Variants in CPNE4 observed in about 807,000 individuals in gnomAD.
CPNE4 encodes the protein copine 4.
A neutral mutation model predicts 67.9 loss-of-function variants in CPNE4; 25 were observed. The ratio of observed to expected loss-of-function variants is 0.37; its 90% confidence interval spans 0.27 to 0.51. The LOEUF (loss-of-function observed/expected upper bound fraction) is 0.51, where lower values mean the gene tolerates loss of function less well. CPNE4 is among the 20% of genes least tolerant of loss of function. The pLI, the probability that CPNE4 is intolerant of heterozygous loss-of-function variation, is 0.93. For synonymous variants in CPNE4, 242 were observed against 244.9 expected (o/e 0.99, Z 0.11); for missense variants, 464 against 690.8 (o/e 0.67, Z 3.68).
intron 11 of CPNE4, among the ~76,000 whole-genome samples, chr3:131,558,369 C>T (rs911681358): frequency 2.6e-5 from 4 of 151,878 alleles, no homozygotes; most frequent in East Asian, 1.9e-4. Flanking sequence ...TGTATACTAA[C>T]GCTTTAAGAA....
chr3:131,634,625 C>A (rs1216140070), intron 7 of CPNE4, among the ~76,000 whole-genome samples: 2 of 152,128 alleles, frequency 1.3e-5, no homozygotes, highest in African/African-American at 4.8e-5. Context: ...CCACCTTGAA[C>A]CTAACCAGAC....
chr3:131,583,379 T>C (rs1031741550), intron 8 of CPNE4, among the ~76,000 whole-genome samples: 2 of 152,190 alleles, frequency 1.3e-5, no homozygotes, highest in Non-Finnish European at 2.9e-5. Flanking sequence ...ACTGATATTG[T>C]CTTTTGCCCC....
At chr3:131,974,445 CTT>C (rs2072590798) in intron 1 of CPNE4, among the ~76,000 whole-genome samples, 1 of 152,228 alleles carries the variant, frequency 6.6e-6, no homozygotes, top group Non-Finnish European at 1.5e-5. Flanking sequence ...CCCAACTCTC[CTT>C]GTCATAGCAC....
At chr3:131,743,842 A>G (rs2082411350) in intron 2 of CPNE4, among the ~76,000 whole-genome samples, 1 of 150,830 alleles carries the variant, frequency 6.6e-6, no homozygotes, top group Non-Finnish European at 1.5e-5. Flanking sequence ...GGGCGCCTGT[A>G]GTCCCAGCTA....
rs764187477 is a variant in CPNE4 at position 131,696,558 on chromosome 3, C to T, written c.491G>A (p.Arg164Gln). ...ACGCTTTACCTTGTCATCCAATTTC[C>T]GTGCATTGAATGCAAGCTCAACATA... ...DDYVELAFNA[R>Q]KLDDKDFFSK... is the part of the protein sequence containing the mutation. The change falls in exon 5 of 16, where the codon CGG becomes CAG. Residue 164 changes from arginine (R) to glutamine (Q), a missense_variant. Around this residue, in one of 6 missense-constraint regions of CPNE4, gnomAD observed 170 missense variants for 203.3 expected, o/e 0.84. Coordinates refer to ENST00000429747, the MANE Select transcript of CPNE4 (RefSeq NM_130808.3). 1.1e-5 allele frequency: 17 copies of T among 1,613,820 alleles called. No individual in the cohort carries two copies. The South Asian group carries it at 1.3e-4, about 13-fold the overall frequency.
chr3:131,985,141 C>A (rs1030803552), intron 1 of CPNE4, among the ~76,000 whole-genome samples: 1 of 152,176 alleles, frequency 6.6e-6, no homozygotes, highest in Non-Finnish European at 1.5e-5. Flanking sequence ...CCTCACATGA[C>A]AGAAAGAGTT....
intron 2 of CPNE4, among the ~76,000 whole-genome samples, chr3:131,833,596 G>A (rs1307744191): frequency 6.6e-6 from 1 of 152,162 alleles, no homozygotes. Context: ...CTGGTCAGGG[G>A]GCTGAGGCAG....
At chr3:131,628,277 G>A (rs1274158322) in intron 7 of CPNE4, among the ~76,000 whole-genome samples, 1 of 152,172 alleles carries the variant, frequency 6.6e-6, no homozygotes, top group Non-Finnish European at 1.5e-5. Flanking sequence ...AAGAAAAAGA[G>A]GTTCAGTTGG....
chr3:131,710,130 T>C (rs2081522690), intron 3 of CPNE4, among the ~76,000 whole-genome samples: 1 of 152,260 alleles, frequency 6.6e-6, no homozygotes, highest in Non-Finnish European at 1.5e-5. Context: ...ATATATTTAT[T>C]TGAATAAGTG....
At chr3:131,539,456 G>A (rs766480497) in intron 15 of CPNE4, among the ~76,000 whole-genome samples, 2 of 152,170 alleles carry the variant, frequency 1.3e-5, no homozygotes, top group Non-Finnish European at 2.9e-5. Context: ...ACCACCCACA[G>A]GTTGCTTAGC....
chr3:131,564,938 A>G (rs572373106), intron 10 of CPNE4, among the ~76,000 whole-genome samples: 10 of 152,140 alleles, frequency 6.6e-5, no homozygotes, highest in African/African-American at 1.9e-4. Context: ...CCTGCCTACA[A>G]CAAAGGGGAT....
Position 131,939,698 on chromosome 3 carries a change from C to A in CPNE4, c.-1-34254G>T, listed in dbSNP as rs1199582831. On this transcript the variant is annotated intron_variant, in intron 1 of 15. Coordinates refer to ENST00000429747, the MANE Select transcript of CPNE4 (RefSeq NM_130808.3). ...AACTGGCAGCCAGTGACAGCACTTA[C>A]AAAGCACTTACTCGGTGTCAGGCAC... Among the ~76,000 whole-genome samples, 6 of 152,236 alleles carry A rather than the reference C, an allele frequency of 3.9e-5. No homozygotes were observed. In the East Asian group the frequency reaches 5.8e-4, roughly 15 times the overall value.
intron 2 of CPNE4, among the ~76,000 whole-genome samples, chr3:131,884,694 G>C (rs2087810462): frequency 6.6e-6 from 1 of 152,122 alleles, no homozygotes; most frequent in South Asian, 2.1e-4. Flanking sequence ...ATGAATCATG[G>C]GGGCAGTTTC....
chr3:131,552,638 C>T, intron 12 of CPNE4, 147 bp from the exon 13 acceptor site: 1 of 608,046 alleles, frequency 1.6e-6, no homozygotes, highest in Non-Finnish European at 2.9e-6. Flanking sequence ...CAAGCCTTTA[C>T]ACAATCAATA....
intron 7 of CPNE4, among the ~76,000 whole-genome samples, chr3:131,652,756 C>T (rs994703408): frequency 1.3e-5 from 2 of 152,204 alleles, no homozygotes; most frequent in African/African-American, 4.8e-5. Flanking sequence ...TATGTCCCTG[C>T]TGAGTTCTCT....
At chr3:131,792,702 CACACACGTGTATATATGTAT>C (rs2083790910) in intron 2 of CPNE4, among the ~76,000 whole-genome samples, 3 of 34,608 alleles carry the variant, frequency 8.7e-5, no homozygotes, top group South Asian at 1.2e-3. Flanking sequence ...TATACATATA[CACACACGTGTATATATGTAT>C]ATATATACAC....
chr3:131,690,839 TAAAC>T (rs1253415566), intron 5 of CPNE4, among the ~76,000 whole-genome samples: 5 of 151,770 alleles, frequency 3.3e-5, no homozygotes, highest in African/African-American at 4.8e-5. Context: ...ATAAGGAACT[TAAAC>T]AATTCAATAA....
intron 7 of CPNE4, among the ~76,000 whole-genome samples, chr3:131,610,036 TTTTG>T (rs1441563900): frequency 6.6e-6 from 1 of 152,172 alleles, no homozygotes; most frequent in African/African-American, 2.4e-5. Context: ...CAAGATTCGT[TTTTG>T]TTTGAGTGTG....
At chr3:131,653,143 CTTT>C (rs1206489252) in intron 7 of CPNE4, among the ~76,000 whole-genome samples, 1 of 98,610 alleles carries the variant, frequency 1.0e-5, no homozygotes, top group African/African-American at 4.2e-5. Context: ...GATAGGACTT[CTTT>C]TTTTTTTTTT....
Sources: allele counts gnomAD v4.1 joint callset (sites outside exome capture counted in the v4.1 genomes callset), GRCh38; gene constraint gnomAD v4.1.1; regional missense constraint gnomAD v4.1.1; transcripts MANE v1.5; gene names NCBI Gene and HGNC (gene_info 2026-07-23, HGNC 2026-07-21).